The following FGF12 variants were observed in gnomAD, a reference collection of about 807,000 sequenced individuals.
FGF12 encodes fibroblast growth factor 12B.
A neutral mutation model predicts 23.6 loss-of-function variants in FGF12; 14 were observed. The ratio of observed to expected loss-of-function variants is 0.59; its 90% CI spans 0.39 to 0.93. The LOEUF is 0.93. Ranked by LOEUF, FGF12 falls within the 40% of genes least tolerant of loss-of-function variation. The pLI, the probability that FGF12 is intolerant of heterozygous loss-of-function variation, is 0.00. For synonymous variants in FGF12, 62 were observed against 77.3 expected, an observed-to-expected ratio of 0.80 and a Z score of 1.04; for missense variants, 175 against 217.8, an observed-to-expected ratio of 0.80 and a Z score of 1.24.
intron 2 of FGF12, among the ~76,000 whole-genome samples, chr3:192,616,117 T>C (rs1192951895): frequency 6.6e-6 from 1 of 152,030 alleles, no homozygotes; most frequent in African/African-American, 2.4e-5. Context: ...GATACTTACA[T>C]GTAATAAATT....
At chr3:192,724,893 A>G (rs539490021) in intron 2 of FGF12, among the ~76,000 whole-genome samples, 3 of 152,334 alleles carry the variant, frequency 2.0e-5, no homozygotes, top group African/African-American at 7.2e-5. Flanking sequence ...GGTATGGGAT[A>G]GAGAACTCTT....
chr3:192,552,727 C>G (rs910312910), intron 2 of FGF12, among the ~76,000 whole-genome samples: 1 of 151,990 alleles, frequency 6.6e-6, no homozygotes, highest in Non-Finnish European at 1.5e-5. Context: ...CCCATCGCTA[C>G]TAAAAATACA....
At chr3:192,671,732 G>A (rs1323946089) in intron 2 of FGF12, among the ~76,000 whole-genome samples, 5 of 151,834 alleles carry the variant, frequency 3.3e-5, no homozygotes, top group Admixed American at 6.6e-5. Context: ...TGAAGGCTGC[G>A]GTGAAGTGGA....
chr3:192,209,672 C>G (rs537662049), intron 4 of FGF12, among the ~76,000 whole-genome samples: 2 of 152,220 alleles, frequency 1.3e-5, no homozygotes, highest in African/African-American at 4.8e-5. Context: ...AGATAGGATA[C>G]AGGATTTTAG....
At chr3:192,282,082 G>C (rs915537168) in intron 4 of FGF12, among the ~76,000 whole-genome samples, 6 of 152,186 alleles carry the variant, frequency 3.9e-5, no homozygotes, top group Middle Eastern at 3.4e-3. Context: ...AGTGATAGGT[G>C]GTGTTTTTAA....
At chr3:192,225,335 G>C (rs1425466553) in intron 4 of FGF12, among the ~76,000 whole-genome samples, 1 of 151,826 alleles carries the variant, frequency 6.6e-6, no homozygotes, top group Non-Finnish European at 1.5e-5. Context: ...ACCATCCCTT[G>C]CCTGACTTTT....
At chr3:192,327,299 C>T (rs1347286244) in intron 4 of FGF12, among the ~76,000 whole-genome samples, 1 of 152,132 alleles carries the variant, frequency 6.6e-6, no homozygotes, top group African/African-American at 2.4e-5. Flanking sequence ...GTTACAGCTA[C>T]TCTGATAAGA....
chr3:192,354,575 A>C (rs186092767), intron 3 of FGF12, among the ~76,000 whole-genome samples: 65 of 152,360 alleles, frequency 4.3e-4, no homozygotes, highest in Non-Finnish European at 8.7e-4. Context: ...AGAATCAGAT[A>C]TAGACAGACA....
chr3:192,547,682 G>A (rs1725529451), intron 2 of FGF12, among the ~76,000 whole-genome samples: 4 of 152,168 alleles, frequency 2.6e-5, no homozygotes, highest in Admixed American at 2.6e-4. Context: ...CCAACAGGAA[G>A]CGTTCTCCAA....
At chr3:192,157,265 A>G (rs1474475718) in intron 5 of FGF12, among the ~76,000 whole-genome samples, 3 of 152,226 alleles carry the variant, frequency 2.0e-5, no homozygotes, top group East Asian at 1.9e-4. Context: ...CCATGTAGCC[A>G]TAGAAAGCCC....
At chr3:192,422,884 G>T in intron 2 of FGF12, among the ~76,000 whole-genome samples, 1 of 152,134 alleles carries the variant, frequency 6.6e-6, no homozygotes. Flanking sequence ...GCTAGTGATG[G>T]CTATGATAGC....
chr3:192,615,015 C>T (rs1045830848), intron 2 of FGF12, among the ~76,000 whole-genome samples: 4 of 151,806 alleles, frequency 2.6e-5, no homozygotes, highest in African/African-American at 9.7e-5. Flanking sequence ...CCAGAAGTCA[C>T]AAGGAAGAGA....
In FGF12 at chr3:192,552,254, A is replaced by C. The variant is rs138783785; in HGVS notation, c.13+174927T>G. ...CAATGAAAAGAAAATGATTGAGAAGAACAAGCAGAGCCCTGGTACCTCAGA... is the reference window on the plus strand; with the variant it reads ...CAATGAAAAGAAAATGATTGAGAAGCACAAGCAGAGCCCTGGTACCTCAGA... On this transcript the variant is annotated intron_variant, in intron 2 of 5. Coordinates refer to ENST00000445105, the MANE Select transcript of FGF12 (RefSeq NM_004113.6). Among the ~76,000 whole-genome samples, 494 of 152,242 alleles carry C rather than the reference A, an allele frequency of 3.2e-3. 4 individuals are homozygous for C. The highest frequency in any genetic ancestry group is 0.011 in the African/African-American group (472 of 41,570).
At chr3:192,155,232 G>A (rs1379322052) in intron 5 of FGF12, among the ~76,000 whole-genome samples, 2 of 152,130 alleles carry the variant, frequency 1.3e-5, no homozygotes, top group Non-Finnish European at 2.9e-5. Context: ...CTAGTGAGAT[G>A]AACCCGGTAC....
At chr3:192,145,152 G>C (rs748383476) in intron 5 of FGF12, among the ~76,000 whole-genome samples, 2 of 152,136 alleles carry the variant, frequency 1.3e-5, no homozygotes, top group Non-Finnish European at 2.9e-5. Flanking sequence ...CCATCTCCTA[G>C]CCTTGTTAAT....
chr3:192,272,027 G>A (rs66483381), intron 4 of FGF12, among the ~76,000 whole-genome samples: 8,899 of 152,152 alleles, frequency 0.058, 284 homozygotes, highest in South Asian at 0.08. Context: ...TGGGAAGACA[G>A]GAGAGGGAAA....
At chr3:192,301,608 G>A (rs9839891) in intron 4 of FGF12, among the ~76,000 whole-genome samples, 21,250 of 152,104 alleles carry the variant, frequency 0.14, 2,820 homozygotes, top group African/African-American at 0.33. Flanking sequence ...ACAAAGGCAT[G>A]CATAGTCTCG....
At chr3:192,410,150 C>T (rs1721149691) in intron 2 of FGF12, among the ~76,000 whole-genome samples, 1 of 151,998 alleles carries the variant, frequency 6.6e-6, no homozygotes, top group African/African-American at 2.4e-5. Context: ...CGAAAGAGCG[C>T]CCAGGTGGGG....
chr3:192,282,218 T>C (rs1422709718), intron 4 of FGF12, among the ~76,000 whole-genome samples: 2 of 152,172 alleles, frequency 1.3e-5, no homozygotes, highest in Non-Finnish European at 2.9e-5. Context: ...TTCTTGCCAA[T>C]ATCTAGGTGA....
Sources: allele counts gnomAD v4.1 joint callset (sites outside exome capture counted in the v4.1 genomes callset), GRCh38; gene constraint gnomAD v4.1.1; transcripts MANE v1.5; gene names NCBI Gene and HGNC (gene_info 2026-07-23, HGNC 2026-07-21).